The following ANKIB1 variants were observed in gnomAD, a reference collection of about 807,000 sequenced individuals.
ANKIB1 encodes ankyrin repeat and IBR domain containing 1, also known as ankyrin repeat and IBR domain-containing protein 1.
In ANKIB1, 43 loss-of-function variants were observed where a neutral mutation model predicts 122.1. The observed-to-expected ratio is 0.35, with a 90% confidence interval of 0.28 to 0.45. ANKIB1 has a LOEUF of 0.45. Ranked by LOEUF, ANKIB1 falls within the 20% of genes least tolerant of loss-of-function variation. ANKIB1 has a pLI of 1.00. For synonymous variants in ANKIB1, 390 were observed against 442.0 expected, an observed-to-expected ratio of 0.88 and a Z score of 1.48; for missense variants, 992 against 1,329.5, an observed-to-expected ratio of 0.75 and a Z score of 3.95.
At chr7:92,311,724 C>G (rs190898077) in intron 3 of ANKIB1, among the ~76,000 whole-genome samples, 251 of 150,096 alleles carry the variant, frequency 1.7e-3, no homozygotes, top group Non-Finnish European at 2.6e-3. Context: ...AGCGCCCCCC[C>G]CACACACACA....
At chr7:92,282,285 C>T (rs1204230121) in intron 1 of ANKIB1, among the ~76,000 whole-genome samples, 1 of 152,058 alleles carries the variant, frequency 6.6e-6, no homozygotes, top group Non-Finnish European at 1.5e-5. Flanking sequence ...TCCCAAGTAG[C>T]TGGCATTACA....
Position 92,345,007 on chromosome 7 carries a change from A to G in ANKIB1, c.1026A>G (p.Val342=), listed in dbSNP as rs180805803. The change falls in exon 7 of 20, where the codon GTA becomes GTG. Residue 342 remains valine (V), a synonymous_variant. Coordinates refer to ENST00000265742, the MANE Select transcript of ANKIB1 (RefSeq NM_019004.2). The part of the protein sequence containing the change: ...LCDICMCSIS[V]FEDPVDMPCG... ...ACATTTGTATGTGCAGTATCTCTGT[A>G]TTTGAAGACCCTGTGGATATGCCCT... is the stretch of plus-strand genomic sequence containing the variant. 924 of 1,613,302 alleles carry G rather than the reference A, an allele frequency of 5.7e-4. 4 individuals are homozygous for G. In the African/African-American group the frequency reaches 0.011, roughly 19 times the overall value.
At chr7:92,333,344 T>A (rs962598004) in intron 5 of ANKIB1, among the ~76,000 whole-genome samples, 1 of 152,220 alleles carries the variant, frequency 6.6e-6, no homozygotes, top group Non-Finnish European at 1.5e-5. Flanking sequence ...AGTCCCATGC[T>A]ATAGCTACAC....
chr7:92,396,672 A>C (rs1804901271), intron 18 of ANKIB1, among the ~76,000 whole-genome samples, 196 bp downstream of exon 18: 1 of 152,232 alleles, frequency 6.6e-6, no homozygotes, highest in Non-Finnish European at 1.5e-5. Context: ...ACTTGGATTC[A>C]TGACCCCATC....
intron 2 of ANKIB1, among the ~76,000 whole-genome samples, chr7:92,304,420 A>G (rs2131931551): frequency 6.6e-6 from 1 of 152,158 alleles, no homozygotes; most frequent in East Asian, 1.9e-4. Context: ...TCTTCTCTAT[A>G]TGGGGAGGAT....
At chr7:92,247,456 A>G (rs1362405569) in intron 1 of ANKIB1, among the ~76,000 whole-genome samples, 2 of 152,248 alleles carry the variant, frequency 1.3e-5, no homozygotes. Flanking sequence ...ATTTTCAATC[A>G]TTAATTCCAG....
At chr7:92,388,136 T>A in intron 14 of ANKIB1, 95 bp downstream of exon 14, 1 of 1,155,276 alleles carries the variant, frequency 8.7e-7, no homozygotes, top group Non-Finnish European at 1.3e-6. Flanking sequence ...GAATACATTA[T>A]GTTCATTAGC....
At chr7:92,364,980 T>C (rs1269115490) in intron 10 of ANKIB1, among the ~76,000 whole-genome samples, 1 of 152,162 alleles carries the variant, frequency 6.6e-6, no homozygotes, top group African/African-American at 2.4e-5. Flanking sequence ...TTACAGAACA[T>C]ATGTGTGGAG....
chr7:92,338,925 AAAAAAAAAAT>A (rs1477959366), intron 5 of ANKIB1, among the ~76,000 whole-genome samples: 28 of 59,194 alleles, frequency 4.7e-4, no homozygotes, highest in Admixed American at 1.0e-3. Flanking sequence ...AAAAAAAAAA[AAAAAAAAAAT>A]ATATATATAT....
At chr7:92,298,800 T>TA (rs548761861) in intron 2 of ANKIB1, among the ~76,000 whole-genome samples, 6 of 143,704 alleles carry the variant, frequency 4.2e-5, no homozygotes, top group Non-Finnish European at 7.6e-5. Context: ...CAGTTTCCCC[T>TA]AAAAAAATCC....
intron 1 of ANKIB1, among the ~76,000 whole-genome samples, chr7:92,262,721 A>G (rs1014247997): frequency 2.0e-5 from 3 of 152,156 alleles, no homozygotes; most frequent in Non-Finnish European, 2.9e-5. Context: ...ATACTTTTCC[A>G]TATAATTCCC....
chr7:92,295,998 A>G (rs1040159652), intron 2 of ANKIB1, among the ~76,000 whole-genome samples: 16 of 152,224 alleles, frequency 1.1e-4, no homozygotes, highest in Admixed American at 9.8e-4. Flanking sequence ...GCAGTGAAAT[A>G]TAATTCTAGA....
intron 1 of ANKIB1, among the ~76,000 whole-genome samples, chr7:92,291,835 A>G (rs960080250): frequency 6.6e-6 from 1 of 152,198 alleles, no homozygotes; most frequent in Non-Finnish European, 1.5e-5. Flanking sequence ...TCAGGCTCCC[A>G]AAGTTCTGGG....
At chr7:92,347,143 C>A (rs1470237661) in intron 7 of ANKIB1, among the ~76,000 whole-genome samples, 1 of 152,164 alleles carries the variant, frequency 6.6e-6, no homozygotes. Context: ...TTATTCTTCC[C>A]AAACTTTTTA....
Position 92,319,439 on chromosome 7 carries a change from C to T in ANKIB1, c.596C>T (p.Ser199Phe). ...HHKDLALNLE[S>F]QMVFSRDPEA... ...AAAGATTTGGCCCTCAATCTGGAAT[C>T]TCAAATGGTATTCTCACGGGATCCC... Residue 199 changes from serine to phenylalanine, a missense_variant, in exon 4 of 20, where the codon TCT becomes TTT. Ser to Phe is a radical substitution (Grantham distance 155). Coordinates refer to ENST00000265742, the MANE Select transcript of ANKIB1 (RefSeq NM_019004.2). The T allele has an allele frequency of 6.2e-7, 1 of 1,613,522 alleles. No individual in the cohort carries two copies. Among genetic ancestry groups the T allele is most frequent in the East Asian group, 2.2e-5 (1 of 44,836 alleles).
intron 12 of ANKIB1, 140 bp downstream of exon 12, chr7:92,386,783 A>G (rs1055076021): frequency 4.7e-6 from 4 of 857,912 alleles, no homozygotes; most frequent in Admixed American, 4.3e-5. Context: ...TTTCAACAAA[A>G]CAGCTCTGTA....
At chr7:92,277,007 C>G (rs1801918979) in intron 1 of ANKIB1, among the ~76,000 whole-genome samples, 1 of 152,168 alleles carries the variant, frequency 6.6e-6, no homozygotes, top group Non-Finnish European at 1.5e-5. Context: ...TTTGTGAGAT[C>G]TGGTTGTGTA....
chr7:92,384,083 TA>T (rs1804580079), intron 11 of ANKIB1, among the ~76,000 whole-genome samples: 1 of 152,278 alleles, frequency 6.6e-6, no homozygotes, highest in East Asian at 1.9e-4. Flanking sequence ...CAAGCATTCT[TA>T]AACACCAATA....
Position 92,351,100 on chromosome 7 carries a change from G to C in ANKIB1, c.1230+6G>C. Reference sequence around the variant, plus strand: ...ACCTACAGTTTGATATTAAGGTAAGGTATACTGCCAATTATCTGTCCAATT... The same window carrying C: ...ACCTACAGTTTGATATTAAGGTAAGCTATACTGCCAATTATCTGTCCAATT... On this transcript the variant is annotated splice_donor_region_variant and intron_variant, in intron 8 of 19. Transcript: ENST00000265742. 1 of 1,521,756 alleles carries C rather than the reference G, an allele frequency of 6.6e-7. No homozygotes were observed. 94.3% of individuals were successfully genotyped at this position (1,521,756 alleles called of 1,614,324 possible). A position where few individuals can be genotyped will look rare whatever the true frequency, so the allele number is the denominator to read the frequency against.
Sources: gnomAD v4.1 joint callset for allele counts (sites outside exome capture counted in the v4.1 genomes callset) on GRCh38, gnomAD v4.1.1 for gene constraint, MANE v1.5 for transcripts, NCBI Gene and HGNC (gene_info 2026-07-23, HGNC 2026-07-21) for gene names.